CLNK: variants seen among roughly 807,000 people sequenced by gnomAD.
The protein encoded by CLNK is cytokine-dependent hematopoietic cell linker.
In CLNK, 74 loss-of-function variants were observed where a neutral mutation model predicts 68.6. The ratio of observed to expected loss-of-function variants is 1.08; its 90% CI spans 0.89 to 1.31. The LOEUF is 1.31. CLNK is among the 50% of genes most tolerant of loss of function. The pLI is 0.00. For missense variants in CLNK, 553 were observed against 515.3 expected (o/e 1.07, Z -0.71); for synonymous variants, 198 against 172.2 (o/e 1.15, Z -1.17).
At chr4:10,538,301 T>C (rs1026817133) in intron 11 of CLNK, among the ~76,000 whole-genome samples, 2 of 152,150 alleles carry the variant, frequency 1.3e-5, no homozygotes, top group Non-Finnish European at 2.9e-5. Flanking sequence ...AGCTAGTTTC[T>C]GTATTTTTGT....
chr4:10,496,359 C>T (rs750156171), intron 18 of CLNK, among the ~76,000 whole-genome samples: 22 of 152,098 alleles, frequency 1.4e-4, no homozygotes, highest in Non-Finnish European at 3.1e-4. Context: ...ATGTAAAATG[C>T]CTTTATCTTG....
intron 1 of CLNK, among the ~76,000 whole-genome samples, chr4:10,682,793 T>G (rs931430936): frequency 4.6e-5 from 7 of 152,212 alleles, no homozygotes; most frequent in African/African-American, 1.7e-4. Context: ...TTCATTAAGC[T>G]GTTAAGATCA....
At chr4:10,505,156 C>T (rs535154655) in intron 17 of CLNK, among the ~76,000 whole-genome samples, 28 of 152,178 alleles carry the variant, frequency 1.8e-4, no homozygotes, top group Non-Finnish European at 2.5e-4. Flanking sequence ...TTGGAATCTA[C>T]CATCACCAGG....
intron 8 of CLNK, among the ~76,000 whole-genome samples, chr4:10,558,147 A>T (rs1039059996): frequency 3.9e-5 from 6 of 152,250 alleles, no homozygotes; most frequent in African/African-American, 7.2e-5. Context: ...CATATGTTTC[A>T]AAATAATTCA....
chr4:10,635,600 A>G (rs998594259), intron 2 of CLNK, among the ~76,000 whole-genome samples: 6 of 152,230 alleles, frequency 3.9e-5, no homozygotes, highest in African/African-American at 1.4e-4. Flanking sequence ...AGAGAGCGAC[A>G]GAGGGACCTG....
intron 5 of CLNK, among the ~76,000 whole-genome samples, chr4:10,567,764 A>G (rs1342439285): frequency 6.6e-6 from 1 of 152,254 alleles, no homozygotes; most frequent in Non-Finnish European, 1.5e-5. Context: ...TGGGAAAAGG[A>G]TATGAATGGA....
intron 4 of CLNK, among the ~76,000 whole-genome samples, chr4:10,580,325 A>G (rs372762933): frequency 1.3e-5 from 2 of 152,224 alleles, no homozygotes; most frequent in African/African-American, 4.8e-5. Flanking sequence ...CTTCTTAATG[A>G]TAAAATAACT....
chr4:10,559,115 G>A (rs1425090033), intron 7 of CLNK, among the ~76,000 whole-genome samples: 2 of 152,168 alleles, frequency 1.3e-5, no homozygotes, highest in Non-Finnish European at 2.9e-5. Flanking sequence ...AACTATTAAG[G>A]GGTACACAAC....
intron 3 of CLNK, among the ~76,000 whole-genome samples, chr4:10,592,148 T>C (rs1018204610): frequency 6.6e-6 from 1 of 152,234 alleles, no homozygotes; most frequent in Admixed American, 6.5e-5. Flanking sequence ...ATATAATTAT[T>C]CATTTATTAT....
At chr4:10,519,956 G>T (rs141123059) in intron 15 of CLNK, among the ~76,000 whole-genome samples, 1 of 152,124 alleles carries the variant, frequency 6.6e-6, no homozygotes, top group African/African-American at 2.4e-5. Context: ...TATAAAGAGA[G>T]AGATAGAATT....
chr4:10,592,190 T>G (rs1330859208), intron 3 of CLNK, among the ~76,000 whole-genome samples: 3 of 152,158 alleles, frequency 2.0e-5, no homozygotes, highest in African/African-American at 7.2e-5. Context: ...CTTACTTGAG[T>G]TTTTTTCCTT....
At chr4:10,540,410 G>T in intron 11 of CLNK, 84 bp downstream of exon 11, 2 of 985,958 alleles carry the variant, frequency 2.0e-6, no homozygotes, top group South Asian at 1.3e-5. Flanking sequence ...TGCTCTGAAA[G>T]GTACTTTGTT....
At chr4:10,712,899 C>T in the CLNK span, among the ~76,000 whole-genome samples, 1 of 152,142 alleles carries the variant, frequency 6.6e-6, no homozygotes, top group Non-Finnish European at 1.5e-5. Context: ...TCCTATGACC[C>T]CCACCAGAAA....
At chr4:10,599,879 C>G (rs542906863) in intron 2 of CLNK, among the ~76,000 whole-genome samples, 1 of 152,240 alleles carries the variant, frequency 6.6e-6, no homozygotes, top group Non-Finnish European at 1.5e-5. Flanking sequence ...CTACCCCTAG[C>G]TGCTTTCCTG....
At chr4:10,589,821 C>T (rs1479402110) in intron 3 of CLNK, among the ~76,000 whole-genome samples, 7 of 152,230 alleles carry the variant, frequency 4.6e-5, no homozygotes, top group Admixed American at 6.5e-5. Flanking sequence ...TAGCAAACTT[C>T]GTGGAGATTT....
chr4:10,564,670 C>G lies in CLNK; in HGVS notation c.399+1G>C, dbSNP rs369654244. 6.2e-7 allele frequency: 1 copy of G among 1,604,806 alleles called. No individual in the cohort carries two copies. On this transcript the variant is annotated splice_donor_variant, in intron 7 of 18. Coordinates refer to ENST00000226951, the MANE Select transcript of CLNK (RefSeq NM_052964.4). LOFTEE classifies it high-confidence loss of function. Reference sequence around the variant, plus strand: ...TGTCACAATGTCCAGTCTTTACTCACTCTTTCCAACCTCGTCTGTGTGTTC... The same window carrying G: ...TGTCACAATGTCCAGTCTTTACTCAGTCTTTCCAACCTCGTCTGTGTGTTC...
intron 8 of CLNK, among the ~76,000 whole-genome samples, chr4:10,554,750 A>G (rs886845856): frequency 2.6e-5 from 4 of 152,182 alleles, no homozygotes; most frequent in Admixed American, 1.3e-4. Flanking sequence ...TTTTTTCTGC[A>G]AAGGATAGAA....
intron 5 of CLNK, among the ~76,000 whole-genome samples, chr4:10,569,982 A>G (rs1341415964): frequency 1.3e-5 from 2 of 152,182 alleles, no homozygotes; most frequent in Non-Finnish European, 2.9e-5. Context: ...GGACAAAGCA[A>G]AGCAAAGCTG....
intron 2 of CLNK, among the ~76,000 whole-genome samples, chr4:10,614,816 G>C (rs1701134615): frequency 6.6e-6 from 1 of 152,180 alleles, no homozygotes; most frequent in Non-Finnish European, 1.5e-5. Context: ...TGTTTCCTAT[G>C]AGTACCCACT....
Sources: allele counts gnomAD v4.1 joint callset (sites outside exome capture counted in the v4.1 genomes callset), GRCh38; gene constraint gnomAD v4.1.1; transcripts MANE v1.5; gene names NCBI Gene and HGNC (gene_info 2026-07-23, HGNC 2026-07-21).